Variants in PC observed in about 807,000 individuals in gnomAD.
The protein encoded by PC is pyruvate carboxylase, mitochondrial.
Under a neutral mutation model 107.8 loss-of-function variants are expected in PC, and 46 were observed. That is an observed-to-expected ratio of 0.43 (90% confidence interval 0.34 to 0.55). PC has a LOEUF of 0.55. PC is among the 20% of genes least tolerant of loss of function. PC has a pLI of 0.04. For missense variants in PC, 1,241 were observed against 1,643.1 expected (o/e 0.76, Z 4.23); for synonymous variants, 662 against 684.7 (o/e 0.97, Z 0.52).
In PC at chr11:66,914,852, T is replaced by C. The variant is rs181001893; in HGVS notation, c.-1+37578A>G. Among the ~76,000 whole-genome samples, 26 of 151,904 alleles carry C rather than the reference T, an allele frequency of 1.7e-4. No homozygotes were observed. The East Asian group carries it at 4.1e-3, about 24-fold the overall frequency. ...GAGTTCAAGACCAGCCTGGGCAACA[T>C]AGCAAGACTCCACGTCTAGAAAAAA... On this transcript the variant is annotated intron_variant, in intron 3 of 22. Transcript: ENST00000393960.
At chr11:66,864,087 C>A (rs1427828733) in intron 11 of PC, 131 bp from the exon 12 acceptor site, 2 of 898,030 alleles carry the variant, frequency 2.2e-6, no homozygotes, top group Non-Finnish European at 1.8e-6. Context: ...GCAGGTGAAT[C>A]CCAGCTCTGG....
intron 3 of PC, among the ~76,000 whole-genome samples, chr11:66,890,638 C>A (rs995629728): frequency 1.3e-5 from 2 of 150,240 alleles, no homozygotes; most frequent in African/African-American, 4.9e-5. Flanking sequence ...GTAGCTGGGA[C>A]TACAGGCATG....
intron 3 of PC, among the ~76,000 whole-genome samples, chr11:66,887,071 C>G (rs1044055173): frequency 1.3e-5 from 2 of 152,214 alleles, no homozygotes; most frequent in Non-Finnish European, 2.9e-5. Flanking sequence ...CTCGGCTCCA[C>G]AGAGTGCTTA....
At chr11:66,896,670 C>T (rs983041830) in intron 3 of PC, among the ~76,000 whole-genome samples, 2 of 152,208 alleles carry the variant, frequency 1.3e-5, no homozygotes, top group African/African-American at 2.4e-5. Context: ...GGGCCTATGC[C>T]GAACCTGACC....
intron 3 of PC, among the ~76,000 whole-genome samples, chr11:66,916,493 TG>T (rs886481073): frequency 6.6e-6 from 1 of 152,188 alleles, no homozygotes; most frequent in African/African-American, 2.4e-5. Context: ...CCTCAATTTC[TG>T]GGGGACCTGA....
In PC at chr11:66,858,204, T is replaced by C. The variant is rs1375061785; in HGVS notation, c.1369-4821A>G. Reference sequence around the variant, plus strand: ...GAGCCTGGAGGACCTGGACCTGTCCTACAACAACCTCCGGCAGGTGCCCTG... The same window carrying C: ...GAGCCTGGAGGACCTGGACCTGTCCCACAACAACCTCCGGCAGGTGCCCTG... On this transcript the variant is annotated intron_variant, in intron 12 of 22. Coordinates refer to ENST00000393960, the MANE Select transcript of PC (RefSeq NM_001040716.2). This position sits in a 1 kb window ranked among gnomAD's most constrained non-coding sequence, Gnocchi z 5.9. 1.2e-6 allele frequency: 2 copies of C among 1,612,446 alleles called. No homozygotes were observed. Among genetic ancestry groups the C allele is most frequent in the Admixed American group, 3.3e-5 (2 of 60,012 alleles).
At chr11:66,860,423 C>T (rs1303807246) in intron 12 of PC, 18 of 710,922 alleles carry the variant, frequency 2.5e-5, no homozygotes, top group Non-Finnish European at 3.8e-5. Context: ...GGGCTGCAGC[C>T]ACCCACTGGG....
At chr11:66,854,151 A>C (rs962048897) in intron 12 of PC, among the ~76,000 whole-genome samples, 3 of 152,150 alleles carry the variant, frequency 2.0e-5, no homozygotes, top group Non-Finnish European at 4.4e-5. Flanking sequence ...AGAGGATTCG[A>C]CCACGGCCAT....
At chr11:66,905,685 G>A (rs1027909378) in intron 3 of PC, among the ~76,000 whole-genome samples, 2 of 152,160 alleles carry the variant, frequency 1.3e-5, no homozygotes, top group Non-Finnish European at 2.9e-5. Flanking sequence ...CACCAATAGA[G>A]AAATATAGAC....
chr11:66,911,629 A>G (rs1279848171), intron 3 of PC, among the ~76,000 whole-genome samples: 1 of 152,030 alleles, frequency 6.6e-6, no homozygotes, highest in Non-Finnish European at 1.5e-5. Context: ...TCTTTAGTCT[A>G]GTTAAGAAGG....
At chr11:66,957,438 G>A (rs1296567762) in intron 1 of PC, among the ~76,000 whole-genome samples, 2 of 152,170 alleles carry the variant, frequency 1.3e-5, no homozygotes, top group African/African-American at 2.4e-5. Context: ...GCAACATGAC[G>A]GAACCTCGTC....
intron 16 of PC, 123 bp from the exon 17 acceptor site, chr11:66,851,403 A>G (rs1591120369): frequency 7.0e-7 from 1 of 1,433,900 alleles, no homozygotes; most frequent in Non-Finnish European, 9.5e-7. Flanking sequence ...CTCGCCTGGC[A>G]GGGGGTGTGG....
In PC at chr11:66,848,431, A is replaced by G; in HGVS notation, c.*468T>C. ...TTCTCACTACCCTCTGAGGAGAACG[A>G]CACAACTGACCTGCCCACCCATGGG... On this transcript the variant is annotated 3_prime_UTR_variant, in exon 23 of 23. Transcript: ENST00000393960. 1.9e-6 allele frequency: 1 copy of G among 522,042 alleles called. No individual in the cohort carries two copies. Among genetic ancestry groups the G allele is most frequent in the Non-Finnish European group, 3.3e-6 (1 of 298,596 alleles). The allele number at this position is 522,042 out of a possible 1,614,324, so 32.3% of individuals were successfully genotyped here.
chr11:66,852,887 C>A lies in PC; in HGVS notation c.1514-51G>T. The A allele has an allele frequency of 2.2e-6, 3 of 1,355,738 alleles. No individual in the cohort carries two copies. In the South Asian group the frequency reaches 4.0e-5, roughly 18 times the overall value. The allele number at this position is 1,355,738 out of a possible 1,614,324, so 84.0% of individuals were successfully genotyped here. A position where few individuals can be genotyped will look rare whatever the true frequency, so the allele number is the denominator to read the frequency against. On this transcript the variant is annotated intron_variant, in intron 13 of 22. Transcript: ENST00000393960. The surrounding 1 kb of genome is among the most constrained non-coding windows in gnomAD (Gnocchi z 4.7). Reference sequence around the variant, plus strand: ...AGGGTGGGCTGGGCAGAGGCTGAGTCGAGGGCAGCAGTGAGAGTGGCTGGG... The same window carrying A: ...AGGGTGGGCTGGGCAGAGGCTGAGTAGAGGGCAGCAGTGAGAGTGGCTGGG...
chr11:66,851,741 C>T (rs751821192), intron 16 of PC, 49 bp downstream of exon 16: 1 of 1,597,586 alleles, frequency 6.3e-7, no homozygotes, highest in Admixed American at 1.7e-5. Flanking sequence ...TGGCTCGGTA[C>T]CCTCTGGGCC....
At chr11:66,914,741 G>T (rs1479929771) in intron 3 of PC, among the ~76,000 whole-genome samples, 8 of 152,176 alleles carry the variant, frequency 5.3e-5, no homozygotes, top group Non-Finnish European at 1.2e-4. Flanking sequence ...GGACTGTTTA[G>T]TAGTAGTGCC....
In PC at chr11:66,848,828, C is replaced by G. The variant is rs1462658455; in HGVS notation, c.*71G>C. ...TTCCTGGCCTCGGGCACTGGCTGGC[C>G]TGGGCCTGCCGTGGCAGCACAGCTT... On this transcript the variant is annotated 3_prime_UTR_variant, in exon 23 of 23. Transcript: ENST00000393960. The G allele has an allele frequency of 8.1e-6, 13 of 1,607,278 alleles. No individual in the cohort carries two copies. Among genetic ancestry groups the G allele is most frequent in the Non-Finnish European group, 1.1e-5 (13 of 1,176,984 alleles).
intron 10 of PC, among the ~76,000 whole-genome samples, chr11:66,867,524 C>A (rs1291539378): frequency 2.0e-5 from 3 of 152,200 alleles, no homozygotes; most frequent in East Asian, 3.8e-4. Flanking sequence ...AGCTTCCACT[C>A]AGTGCCACAG....
Position 66,851,296 on chromosome 11 carries a change from A to G in PC, c.1983-16T>C. ...TTCACAGAACCTGCAAGGGTGAGAG[A>G]GCCCAGGGCTGAGCCCCACCCCACC... On this transcript the variant is annotated splice_polypyrimidine_tract_variant and intron_variant, in intron 16 of 22. Coordinates refer to ENST00000393960, the MANE Select transcript of PC (RefSeq NM_001040716.2). 6.3e-7 allele frequency: 1 copy of G among 1,599,780 alleles called. No individual in the cohort carries two copies. Among genetic ancestry groups the G allele is most frequent in the Non-Finnish European group, 8.5e-7 (1 of 1,179,926 alleles).
Sources: allele counts gnomAD v4.1 joint callset (sites outside exome capture counted in the v4.1 genomes callset), GRCh38; gene constraint gnomAD v4.1.1; non-coding constraint Gnocchi (gnomAD v3.1); transcripts MANE v1.5; gene names NCBI Gene and HGNC (gene_info 2026-07-23, HGNC 2026-07-21).